The following SERINC1 variants were observed in gnomAD, a reference collection of about 807,000 sequenced individuals.
The protein encoded by SERINC1 is serine incorporator 1, also known as tumor differentially expressed protein 2.
Under a neutral mutation model 52.9 loss-of-function variants are expected in SERINC1, and 38 were observed. That is an observed-to-expected ratio of 0.72 (90% CI 0.55 to 0.94). The LOEUF (loss-of-function observed/expected upper bound fraction) is 0.94. Ranked by LOEUF, SERINC1 falls within the 40% of genes least tolerant of loss-of-function variation. The pLI is 0.00. For synonymous variants in SERINC1, 198 were observed against 183.1 expected, an observed-to-expected ratio of 1.08 and a Z score of -0.66; for missense variants, 471 against 533.9, an observed-to-expected ratio of 0.88 and a Z score of 1.16.
chr6:122,449,633 C>T (rs550406423), intron 7 of SERINC1, among the ~76,000 whole-genome samples: 3 of 152,254 alleles, frequency 2.0e-5, no homozygotes, highest in East Asian at 3.9e-4. Flanking sequence ...AAACTGTCTC[C>T]GTAACATAAA....
intron 1 of SERINC1, among the ~76,000 whole-genome samples, chr6:122,468,799 G>A (rs1775227610): frequency 6.6e-6 from 1 of 151,956 alleles, no homozygotes. Context: ...AAAAATTTAG[G>A]AGGTTGGCAA....
At position 122,445,883 on chromosome 6, in the gene SERINC1, C is replaced by CAAAAAAAAAAAAAAAAAAAA. The variant is rs71018202; in HGVS notation, c.1227-705_1227-704insTTTTTTTTTTTTTTTTTTTT. On this transcript the variant is annotated intron_variant, in intron 9 of 9. Coordinates refer to ENST00000339697, the MANE Select transcript of SERINC1 (RefSeq NM_020755.4). Reference sequence around the variant, plus strand: ...TGGGTGACAGAGCAAGACTCCATTTCAAAAAAAAAAAAAAAAAGAACCAGC... The same window carrying CAAAAAAAAAAAAAAAAAAAA: ...TGGGTGACAGAGCAAGACTCCATTTCAAAAAAAAAAAAAAAAAAAAAAAAAAAAAAAAAAAAAGAACCAGC... Among the ~76,000 whole-genome samples the CAAAAAAAAAAAAAAAAAAAA allele has an allele frequency of 8.9e-4, 56 of 62,764 alleles. 1 individual carries two copies. The highest frequency in any genetic ancestry group is 1.7e-3 in the African/African-American group (26 of 15,192). The allele number at this position is 62,764 out of a possible 152,430, so 41.2% of individuals were successfully genotyped here.
At chr6:122,453,985 A>G (rs1309435177) in intron 4 of SERINC1, 78 bp from the exon 5 acceptor site, 2 of 1,463,560 alleles carry the variant, frequency 1.4e-6, no homozygotes, top group Non-Finnish European at 1.8e-6. Flanking sequence ...ACAGTACACA[A>G]AAAGGAAAAT....
chr6:122,463,668 C>T (rs1333634966), intron 1 of SERINC1, among the ~76,000 whole-genome samples: 1 of 152,070 alleles, frequency 6.6e-6, no homozygotes, highest in African/African-American at 2.4e-5. Flanking sequence ...ATTAGAACGG[C>T]TAAAATGAAA....
At chr6:122,458,424 A>G (rs1582634647) in intron 2 of SERINC1, 96 bp downstream of exon 2, 2 of 795,238 alleles carry the variant, frequency 2.5e-6, no homozygotes, top group South Asian at 2.1e-5. Context: ...GTCTTATTCT[A>G]TATTATTCTG....
intron 2 of SERINC1, among the ~76,000 whole-genome samples, chr6:122,457,698 TGATCTCGGACTTTCA>T: frequency 6.6e-6 from 1 of 152,202 alleles, no homozygotes; most frequent in African/African-American, 2.4e-5. Flanking sequence ...GGTGGCACCC[TGATCTCGGACTTTCA>T]GCCTCCAAAA....
intron 1 of SERINC1, among the ~76,000 whole-genome samples, chr6:122,460,580 ACTGTCT>A (rs1355519890): frequency 1.3e-5 from 2 of 152,222 alleles, no homozygotes; most frequent in South Asian, 2.1e-4. Flanking sequence ...AAAAGATCAC[ACTGTCT>A]CTAAGTAAAA....
intron 3 of SERINC1, among the ~76,000 whole-genome samples, chr6:122,456,068 T>C (rs985071742): frequency 2.0e-5 from 3 of 152,080 alleles, no homozygotes; most frequent in Non-Finnish European, 4.4e-5. Context: ...TGAAGGAAGA[T>C]TGATAAAAGA....
rs1554211251 is a variant in SERINC1, at chr6:122,451,776, A to AAT, written c.760-24_760-23dup. ...ATTCCTACAAAAAAAAAAAAAAAAA[A>AAT]ATATATATATATATATATAGCAACA... On this transcript the variant is annotated intron_variant, in intron 6 of 9. Coordinates refer to ENST00000339697, the MANE Select transcript of SERINC1 (RefSeq NM_020755.4). 393 of 112,574 alleles carry AAT rather than the reference A, an allele frequency of 3.5e-3. 4 individuals are homozygous for AAT. The South Asian group carries it at 0.035, about 10-fold the overall frequency. The allele number at this position is 112,574 out of a possible 1,614,324, so 7.0% of individuals were successfully genotyped here.
At chr6:122,468,302 T>C (rs1257182521) in intron 1 of SERINC1, among the ~76,000 whole-genome samples, 4 of 152,212 alleles carry the variant, frequency 2.6e-5, no homozygotes, top group Non-Finnish European at 5.9e-5. Context: ...TTATTTGTTG[T>C]TGGGGGCTAT....
In SERINC1 at chr6:122,471,804, G is replaced by T; in HGVS notation, c.-67C>A. Reference sequence around the variant, plus strand: ...GACAGCTTCTTTCTCGCCTTTCCGAGATTATTTACTATCTGCGAGACACTT... The same window carrying T: ...GACAGCTTCTTTCTCGCCTTTCCGATATTATTTACTATCTGCGAGACACTT... On this transcript the variant is annotated 5_prime_UTR_variant, in exon 1 of 10. Transcript: ENST00000339697. 1 of 1,611,780 alleles carries T rather than the reference G, an allele frequency of 6.2e-7. No individual in the cohort carries two copies. Among genetic ancestry groups the T allele is most frequent in the Non-Finnish European group, 8.5e-7 (1 of 1,179,434 alleles).
At chr6:122,467,074 C>A (rs146086672) in intron 1 of SERINC1, among the ~76,000 whole-genome samples, 4 of 152,034 alleles carry the variant, frequency 2.6e-5, no homozygotes, top group African/African-American at 7.2e-5. Context: ...AAAACATGGT[C>A]GTCAACCAAA....
intron 7 of SERINC1, among the ~76,000 whole-genome samples, chr6:122,448,103 T>A (rs1774838848): frequency 6.9e-6 from 1 of 145,432 alleles, no homozygotes; most frequent in African/African-American, 2.6e-5. Context: ...CGAGACTCTG[T>A]CTCAAAAAAA....
At chr6:122,471,406 A>G (rs1775294605) in intron 1 of SERINC1, among the ~76,000 whole-genome samples, 2 of 150,226 alleles carry the variant, frequency 1.3e-5, no homozygotes, top group Admixed American at 1.4e-4. Flanking sequence ...AATGGGAGAC[A>G]GCGTTCACGA....
In SERINC1 at chr6:122,454,192, A is replaced by G. The variant is rs1774959656; in HGVS notation, c.410T>C (p.Ile137Thr). 3.8e-6 allele frequency: 6 copies of G among 1,589,704 alleles called. No individual in the cohort carries two copies. The highest frequency in any genetic ancestry group is 5.1e-6 in the Non-Finnish European group (6 of 1,168,376). Residue 137 changes from isoleucine (I) to threonine (T), a missense_variant, in exon 4 of 10, where the codon ATT becomes ACT. Ile to Thr is a moderately conservative substitution (Grantham distance 89). Transcript: ENST00000339697. The stretch of plus-strand genomic sequence containing the variant: ...TTCTGGAATGAAGAATGCCCCAATA[A>G]TAATTGCAATTGCTGCAGCAAATTT... ...FFKFAAAIAI[I>T]IGAFFIPEGT...
At chr6:122,450,390 A>G (rs1250738493) in intron 7 of SERINC1, among the ~76,000 whole-genome samples, 1 of 152,232 alleles carries the variant, frequency 6.6e-6, no homozygotes, top group Non-Finnish European at 1.5e-5. Flanking sequence ...ATCCTTTCAA[A>G]ATATTACTAC....
rs747185812 is a variant in SERINC1, at chr6:122,446,864, C to G, written c.1136G>C (p.Arg379Thr). Residue 379 changes from arginine to threonine, a missense_variant, in exon 9 of 10, where the codon AGG (arginine) becomes ACG (threonine). Transcript: ENST00000339697. ...DDVHRAVDNERDGVTYSYSFF... is the reference protein window; with the variant it reads ...DDVHRAVDNETDGVTYSYSFF... ...GGAATAACTGTAAGTGACACCATCC[C>G]TTTCATTATCTACAGCTCGGTGAAC... The G allele has an allele frequency of 6.8e-6, 11 of 1,613,962 alleles. No homozygotes were observed. The highest frequency in any genetic ancestry group is 7.6e-6 in the Non-Finnish European group (9 of 1,179,888).
chr6:122,446,493 T>G (rs910898717), intron 9 of SERINC1, among the ~76,000 whole-genome samples: 4 of 152,146 alleles, frequency 2.6e-5, no homozygotes, highest in African/African-American at 9.7e-5. Flanking sequence ...AAAAAAAATG[T>G]TAGATCCACT....
At chr6:122,467,584 G>A (rs1775210475) in intron 1 of SERINC1, among the ~76,000 whole-genome samples, 1 of 152,116 alleles carries the variant, frequency 6.6e-6, no homozygotes, top group Admixed American at 6.6e-5. Flanking sequence ...TCCAGCCTGG[G>A]CAATGCAGTG....
Sources: allele counts gnomAD v4.1 joint callset (sites outside exome capture counted in the v4.1 genomes callset), GRCh38; gene constraint gnomAD v4.1.1; transcripts MANE v1.5; gene names NCBI Gene and HGNC (gene_info 2026-07-23, HGNC 2026-07-21).